The following CSMD1 variants were observed in gnomAD, a reference collection of about 807,000 sequenced individuals.
CSMD1 encodes CUB and Sushi multiple domains 1.
In CSMD1, 213 loss-of-function variants were observed where a neutral mutation model predicts 417.5. The ratio of observed to expected loss-of-function variants is 0.51; its 90% CI spans 0.46 to 0.57. The LOEUF (loss-of-function observed/expected upper bound fraction) is 0.57. Among genes scored for constraint, CSMD1 ranks in the 20% least tolerant of loss-of-function variants. The pLI is 0.00. For missense variants in CSMD1, 6,923 were observed against 4,529.7 expected, an observed-to-expected ratio of 1.53 and a Z score of -15.17; for synonymous variants, 2,862 against 1,736.8, an observed-to-expected ratio of 1.65 and a Z score of -16.11.
At chr8:4,868,213 T>G (rs1006423168) in intron 1 of CSMD1, among the ~76,000 whole-genome samples, 1 of 152,132 alleles carries the variant, frequency 6.6e-6, no homozygotes, top group African/African-American at 2.4e-5. Context: ...GAGCCTACTC[T>G]GTATGTTATT....
At chr8:4,054,931 C>A (rs1442577815) in intron 3 of CSMD1, among the ~76,000 whole-genome samples, 1 of 152,090 alleles carries the variant, frequency 6.6e-6, no homozygotes, top group African/African-American at 2.4e-5. Flanking sequence ...TCTTTTAAAT[C>A]AATAAAGTAC....
chr8:3,757,164 C>T (rs1286875890), intron 5 of CSMD1, among the ~76,000 whole-genome samples: 1 of 152,132 alleles, frequency 6.6e-6, no homozygotes, highest in Non-Finnish European at 1.5e-5. Flanking sequence ...CCCTCTCTAC[C>T]ACCACCTACA....
chr8:4,137,901 G>C (rs192004172), intron 3 of CSMD1, among the ~76,000 whole-genome samples: 300 of 151,820 alleles, frequency 2.0e-3, no homozygotes, highest in African/African-American at 7.0e-3. Flanking sequence ...TACTTGAGAT[G>C]AAGTCTCGCT....
intron 7 of CSMD1, among the ~76,000 whole-genome samples, chr8:3,695,004 C>A (rs776464885): frequency 9.2e-5 from 14 of 151,380 alleles, no homozygotes; most frequent in Non-Finnish European, 1.9e-4. Flanking sequence ...ATGATTAGGA[C>A]ATTAGACGAA....
intron 5 of CSMD1, among the ~76,000 whole-genome samples, chr8:3,945,732 AG>A (rs1283479979): frequency 2.0e-5 from 3 of 152,106 alleles, no homozygotes; most frequent in Non-Finnish European, 4.4e-5. Context: ...TTAGGTTACT[AG>A]GGGATAGAAA....
chr8:3,886,404 G>A (rs565442088), intron 5 of CSMD1, among the ~76,000 whole-genome samples: 2 of 152,150 alleles, frequency 1.3e-5, no homozygotes, highest in Non-Finnish European at 2.9e-5. Context: ...GCTAGTTGTG[G>A]TAGCAGTGAT....
intron 6 of CSMD1, among the ~76,000 whole-genome samples, chr8:3,734,179 T>C (rs1253201447): frequency 6.6e-6 from 1 of 152,320 alleles, no homozygotes; most frequent in African/African-American, 2.4e-5. Flanking sequence ...ACTTAAAACA[T>C]TGAGCTGATG....
intron 10 of CSMD1, among the ~76,000 whole-genome samples, chr8:3,544,721 T>A (rs765327161): frequency 9.9e-5 from 15 of 152,036 alleles, no homozygotes; most frequent in Non-Finnish European, 2.1e-4. Context: ...TAGACGGGGT[T>A]CAGGGAGACC....
chr8:3,621,427 G>T (rs549849108), intron 7 of CSMD1, among the ~76,000 whole-genome samples: 3 of 152,196 alleles, frequency 2.0e-5, no homozygotes, highest in African/African-American at 7.2e-5. Context: ...GTTTTGCCAG[G>T]GGCTGGGGCA....
intron 10 of CSMD1, among the ~76,000 whole-genome samples, chr8:3,521,012 A>G (rs1020104565): frequency 3.9e-5 from 6 of 152,032 alleles, no homozygotes; most frequent in African/African-American, 1.4e-4. Context: ...TGGAGCATCC[A>G]TTCCTCATGT....
At chr8:4,428,147 C>T (rs1797671235) in intron 2 of CSMD1, among the ~76,000 whole-genome samples, 1 of 152,172 alleles carries the variant, frequency 6.6e-6, no homozygotes, top group Non-Finnish European at 1.5e-5. Flanking sequence ...AAGCACCCAC[C>T]ACATCTATGT....
intron 3 of CSMD1, among the ~76,000 whole-genome samples, chr8:4,271,340 C>T (rs895746293): frequency 6.6e-6 from 1 of 152,056 alleles, no homozygotes; most frequent in Non-Finnish European, 1.5e-5. Context: ...TAGTAAGAAA[C>T]ACTGGCAGTG....
chr8:3,222,504 T>G (rs1023058233), intron 28 of CSMD1, among the ~76,000 whole-genome samples: 4 of 151,826 alleles, frequency 2.6e-5, no homozygotes, highest in African/African-American at 9.7e-5. Flanking sequence ...AGTGATGGAG[T>G]CTTGCTGTGT....
intron 1 of CSMD1, among the ~76,000 whole-genome samples, chr8:4,836,874 G>C (rs1398097014): frequency 6.6e-6 from 1 of 152,040 alleles, no homozygotes; most frequent in Admixed American, 6.6e-5. Flanking sequence ...CCAAAGCTTA[G>C]AGCCACCTCT....
intron 2 of CSMD1, among the ~76,000 whole-genome samples, chr8:4,517,458 A>T (rs1803187228): frequency 6.6e-6 from 1 of 152,236 alleles, no homozygotes; most frequent in South Asian, 2.1e-4. Flanking sequence ...AGATGTGATC[A>T]TTCAGTTAGA....
rs150915173 is a variant in CSMD1, at chr8:3,510,385, T to A, written c.1345-16659A>T. On this transcript the variant is annotated intron_variant, in intron 10 of 69. Coordinates refer to ENST00000635120, the MANE Select transcript of CSMD1 (RefSeq NM_033225.6). ...AGAGAAAGCACATGGGTACTTGAAG[T>A]CCAAATGTCTTTTGAGCGCAGGCTC... 3.0e-4 allele frequency among the ~76,000 whole-genome samples: 46 copies of A among 151,924 alleles called. 1 individual carries two copies. The East Asian group carries it at 8.3e-3, about 28-fold the overall frequency.
At chr8:2,954,297 T>A (rs77706195) in intron 64 of CSMD1, 29 bp from the exon 65 acceptor site, 25,619 of 1,280,446 alleles carry the variant, frequency 0.02, 444 homozygotes, top group East Asian at 0.088. Context: ...ATTATCATTT[T>A]AAAAAAAACA....
At chr8:4,403,782 T>C (rs1804822235) in intron 3 of CSMD1, among the ~76,000 whole-genome samples, 1 of 152,212 alleles carries the variant, frequency 6.6e-6, no homozygotes, top group Non-Finnish European at 1.5e-5. Flanking sequence ...ATCTTGATCC[T>C]CTCTCCTGGA....
chr8:4,566,236 G>C lies in CSMD1; in HGVS notation c.302+71106C>G, dbSNP rs913828213. Among the ~76,000 whole-genome samples the C allele has an allele frequency of 3.3e-5, 5 of 152,076 alleles. No homozygotes were observed. The East Asian group carries it at 9.7e-4, about 29-fold the overall frequency. On this transcript the variant is annotated intron_variant, in intron 2 of 69. Transcript: ENST00000635120. ...TGTATACATTCAACAATGTAGCTAT[G>C]AAAATTTCACTAAAACACTGGTACC... is the stretch of plus-strand genomic sequence containing the variant.
Sources: allele counts gnomAD v4.1 joint callset (sites outside exome capture counted in the v4.1 genomes callset), GRCh38; gene constraint gnomAD v4.1.1; transcripts MANE v1.5; gene names NCBI Gene and HGNC (gene_info 2026-07-23, HGNC 2026-07-21).